ASTN2: variants seen among roughly 807,000 people sequenced by gnomAD.
The protein encoded by ASTN2 is astrotactin 2.
ASTN2 carries 54 observed loss-of-function variants against 139.8 expected under a neutral mutation model. The observed-to-expected ratio is 0.39, with a 90% CI of 0.31 to 0.48. ASTN2 has a LOEUF of 0.48. Among genes scored for constraint, ASTN2 ranks in the 20% least tolerant of loss-of-function variants. The pLI, the probability that ASTN2 is intolerant of heterozygous loss-of-function variation, is 0.95. For synonymous variants in ASTN2, 756 were observed against 719.5 expected, an observed-to-expected ratio of 1.05 and a Z score of -0.81; for missense variants, 1,565 against 1,725.1, an observed-to-expected ratio of 0.91 and a Z score of 1.64.
chr9:117,210,782 G>T (rs1050164388), intron 3 of ASTN2, among the ~76,000 whole-genome samples: 31 of 152,116 alleles, frequency 2.0e-4, no homozygotes, highest in Middle Eastern at 3.4e-3. Context: ...CAATATCCCT[G>T]ATGAAAATAT....
At chr9:117,127,732 G>GA (rs1272460924) in intron 4 of ASTN2, among the ~76,000 whole-genome samples, 1 of 128,978 alleles carries the variant, frequency 7.8e-6, no homozygotes, top group Non-Finnish European at 1.6e-5. Context: ...CCAGGCTGGA[G>GA]TGCAGTGGCA....
Position 117,204,134 on chromosome 9 carries a change from C to T in ASTN2, c.1015+10224G>A, listed in dbSNP as rs79446938. On this transcript the variant is annotated intron_variant, in intron 3 of 22. Coordinates refer to ENST00000313400, the MANE Select transcript of ASTN2 (RefSeq NM_001365068.1). The stretch of plus-strand genomic sequence containing the variant: ...GTTACACCTGAACAGGCACTGTGGC[C>T]GCCTACTGCCATTGCCGGTGTGTTG... Among the ~76,000 whole-genome samples, 448 of 152,274 alleles carry T rather than the reference C, an allele frequency of 2.9e-3. 3 individuals carry two copies. Among genetic ancestry groups the T allele is most frequent in the African/African-American group, 9.9e-3 (413 of 41,554 alleles).
At chr9:117,320,408 T>C (rs1248291742) in intron 1 of ASTN2, among the ~76,000 whole-genome samples, 1 of 152,192 alleles carries the variant, frequency 6.6e-6, no homozygotes, top group Non-Finnish European at 1.5e-5. Context: ...ATGGCTCTTT[T>C]CACATAAAAC....
intron 13 of ASTN2, among the ~76,000 whole-genome samples, chr9:116,733,799 C>T (rs1372602373): frequency 6.6e-6 from 1 of 152,146 alleles, no homozygotes; most frequent in Non-Finnish European, 1.5e-5. Context: ...GTTTCCTTGT[C>T]TATAAAGTGA....
intron 3 of ASTN2, among the ~76,000 whole-genome samples, chr9:117,155,662 G>A (rs531415908): frequency 7.2e-5 from 11 of 152,122 alleles, no homozygotes; most frequent in Admixed American, 6.6e-4. Flanking sequence ...TCTCTTCTCT[G>A]AGTATCCTCC....
At chr9:117,110,924 G>A (rs909168680) in intron 4 of ASTN2, among the ~76,000 whole-genome samples, 2 of 152,192 alleles carry the variant, frequency 1.3e-5, no homozygotes, top group African/African-American at 4.8e-5. Flanking sequence ...ACTCAGAGAA[G>A]GGGAGCCCAC....
intron 19 of ASTN2, among the ~76,000 whole-genome samples, chr9:116,512,191 G>T (rs1054529567): frequency 5.9e-5 from 9 of 152,230 alleles, no homozygotes; most frequent in Admixed American, 2.0e-4. Flanking sequence ...CAGAGATTCT[G>T]GTATGTTATG....
intron 16 of ASTN2, among the ~76,000 whole-genome samples, chr9:116,694,623 G>A (rs1433868239): frequency 3.5e-5 from 4 of 114,928 alleles, no homozygotes; most frequent in South Asian, 4.0e-4. Flanking sequence ...ACCACGCCCA[G>A]CTAATTTTTT....
intron 9 of ASTN2, 52 bp downstream of exon 9, chr9:116,976,062 C>G: frequency 6.5e-7 from 1 of 1,547,362 alleles, no homozygotes; most frequent in Admixed American, 1.7e-5. Context: ...ATCTTCCTAT[C>G]AGTCCTTTCT....
chr9:116,875,908 T>C (rs939878649), intron 10 of ASTN2, among the ~76,000 whole-genome samples: 5 of 152,220 alleles, frequency 3.3e-5, no homozygotes, highest in East Asian at 1.9e-4. Flanking sequence ...GTGATGGAGA[T>C]GCATAAGAGG....
At chr9:116,636,251 T>C (rs996707459) in intron 17 of ASTN2, among the ~76,000 whole-genome samples, 8 of 152,200 alleles carry the variant, frequency 5.3e-5, no homozygotes, top group African/African-American at 1.7e-4. Context: ...ATAGAAGCTA[T>C]TGTGACCCAG....
At chr9:116,797,433 C>G (rs925844080) in intron 13 of ASTN2, among the ~76,000 whole-genome samples, 3 of 152,030 alleles carry the variant, frequency 2.0e-5, no homozygotes, top group Admixed American at 1.3e-4. Flanking sequence ...GTTCAGGAGT[C>G]AGAATGCCAG....
Position 117,236,814 on chromosome 9 carries a change from A to T in ASTN2, c.631-22072T>A, listed in dbSNP as rs374422777. 4.6e-5 allele frequency among the ~76,000 whole-genome samples: 7 copies of T among 152,316 alleles called. No homozygotes were observed. In the South Asian group the frequency reaches 1.5e-3, roughly 32 times the overall value. On this transcript the variant is annotated intron_variant, in intron 2 of 22. Coordinates refer to ENST00000313400, the MANE Select transcript of ASTN2 (RefSeq NM_001365068.1). ...CAATAATTCTATGTAATTCATAGGG[A>T]TGTTGTAAAAGTAAGGTAATATATG...
At chr9:117,400,652 G>C (rs1211226547) in intron 1 of ASTN2, among the ~76,000 whole-genome samples, 1 of 152,210 alleles carries the variant, frequency 6.6e-6, no homozygotes, top group Non-Finnish European at 1.5e-5. Flanking sequence ...TCAGAGCTGA[G>C]TGTTTGATCT....
At chr9:117,374,475 A>T (rs1026706559) in intron 1 of ASTN2, among the ~76,000 whole-genome samples, 4 of 152,236 alleles carry the variant, frequency 2.6e-5, no homozygotes, top group African/African-American at 9.6e-5. Context: ...AGATGACTTA[A>T]TCTGGACCAC....
At chr9:116,762,654 A>C (rs928571824) in intron 13 of ASTN2, among the ~76,000 whole-genome samples, 1 of 152,262 alleles carries the variant, frequency 6.6e-6, no homozygotes, top group Admixed American at 6.5e-5. Flanking sequence ...AAATTCTATA[A>C]TCTTCAAAAT....
At chr9:117,085,263 C>A (rs1828531815) in intron 5 of ASTN2, among the ~76,000 whole-genome samples, 1 of 152,190 alleles carries the variant, frequency 6.6e-6, no homozygotes, top group Non-Finnish European at 1.5e-5. Context: ...TGAATCCTAG[C>A]CTGTGGCTAA....
intron 16 of ASTN2, among the ~76,000 whole-genome samples, chr9:116,681,593 C>T (rs1859870859): frequency 6.6e-6 from 1 of 152,182 alleles, no homozygotes; most frequent in East Asian, 1.9e-4. Flanking sequence ...AAGAACAAAG[C>T]TGGAAGCATC....
intron 4 of ASTN2, among the ~76,000 whole-genome samples, chr9:117,115,254 C>T (rs1166883728): frequency 1.3e-5 from 2 of 152,164 alleles, no homozygotes; most frequent in Admixed American, 1.3e-4. Flanking sequence ...TGATGGCTCA[C>T]ACCTGTAATC....
Sources: allele counts gnomAD v4.1 joint callset (sites outside exome capture counted in the v4.1 genomes callset), GRCh38; gene constraint gnomAD v4.1.1; transcripts MANE v1.5; gene names NCBI Gene and HGNC (gene_info 2026-07-23, HGNC 2026-07-21).